Variants in TAOK1 observed in about 807,000 individuals in gnomAD.
TAOK1 encodes the protein TAO kinase 1, also known as serine/threonine-protein kinase TAO1.
Under a neutral mutation model 138.3 loss-of-function variants are expected in TAOK1, and 21 were observed. The observed-to-expected ratio is 0.15, with a 90% CI of 0.11 to 0.22. The LOEUF (loss-of-function observed/expected upper bound fraction) is 0.22, where lower values mean the gene tolerates loss of function less well. Among genes scored for constraint, TAOK1 ranks in the 10% least tolerant of loss-of-function variants. The probability of loss-of-function intolerance (pLI) is 1.00; values close to 1 mark genes in which losing one functional copy is unlikely to be tolerated. For synonymous variants in TAOK1, 361 were observed against 398.4 expected (o/e 0.91, Z 1.12); for missense variants, 651 against 1,227.7 (o/e 0.53, Z 7.02).
intron 11 of TAOK1, among the ~76,000 whole-genome samples, chr17:29,497,697 A>G (rs1191683846): frequency 6.7e-6 from 1 of 150,230 alleles, no homozygotes; most frequent in Non-Finnish European, 1.5e-5. Flanking sequence ...AGAGTTCCCC[A>G]AAAACCTATT....
intron 1 of TAOK1, among the ~76,000 whole-genome samples, chr17:29,423,975 G>A (rs1905547100): frequency 1.3e-5 from 2 of 151,578 alleles, no homozygotes; most frequent in Admixed American, 1.3e-4. Flanking sequence ...CTTGAACCCG[G>A]GAGGCGGAGG....
chr17:29,412,655 G>A (rs778749203), intron 1 of TAOK1, among the ~76,000 whole-genome samples: 1 of 152,180 alleles, frequency 6.6e-6, no homozygotes, highest in East Asian at 1.9e-4. Context: ...AGGACATACA[G>A]TACTAATTGT....
At chr17:29,453,177 T>TG (rs1480072301) in intron 2 of TAOK1, among the ~76,000 whole-genome samples, 6 of 149,986 alleles carry the variant, frequency 4.0e-5, no homozygotes, top group Non-Finnish European at 8.9e-5. Flanking sequence ...TTTTTTTTTT[T>TG]GAGATGGAGT....
At chr17:29,503,241 G>A (rs904642253) in intron 13 of TAOK1, among the ~76,000 whole-genome samples, 7 of 151,618 alleles carry the variant, frequency 4.6e-5, no homozygotes, top group Non-Finnish European at 7.4e-5. Flanking sequence ...CTAAAAATAC[G>A]AAAAATTAGC....
At chr17:29,501,190 G>T (rs1440916147) in intron 12 of TAOK1, among the ~76,000 whole-genome samples, 1 of 145,484 alleles carries the variant, frequency 6.9e-6, no homozygotes, top group East Asian at 2.0e-4. Context: ...TTCAAGACCA[G>T]CCTGGGCAAC....
At chr17:29,480,169 A>G (rs549680039) in intron 6 of TAOK1, 199 bp from the exon 7 acceptor site, 119 of 352,520 alleles carry the variant, frequency 3.4e-4, no homozygotes, top group African/African-American at 2.1e-3. Flanking sequence ...AATTATTACT[A>G]TATGTTTATT....
intron 1 of TAOK1, among the ~76,000 whole-genome samples, chr17:29,444,679 TTGA>T (rs1238463826): frequency 6.6e-6 from 1 of 152,240 alleles, no homozygotes; most frequent in Non-Finnish European, 1.5e-5. Context: ...AATCAGTTTG[TTGA>T]TATCTACAGA....
intron 1 of TAOK1, among the ~76,000 whole-genome samples, chr17:29,393,849 A>G (rs1270666523): frequency 2.6e-5 from 4 of 152,192 alleles, no homozygotes; most frequent in Non-Finnish European, 4.4e-5. Context: ...ACAAATTTAA[A>G]CTCTGAGAGG....
At chr17:29,505,216 G>A (rs564593916) in intron 13 of TAOK1, among the ~76,000 whole-genome samples, 3 of 152,110 alleles carry the variant, frequency 2.0e-5, no homozygotes, top group Admixed American at 6.5e-5. Context: ...TTAGTCTACC[G>A]TCTCCTGCCT....
chr17:29,462,372 G>T (rs1430823415), intron 2 of TAOK1, among the ~76,000 whole-genome samples: 1 of 152,120 alleles, frequency 6.6e-6, no homozygotes, highest in Non-Finnish European at 1.5e-5. Context: ...ACCTTAAATA[G>T]AACCAATGTG....
intron 8 of TAOK1, 115 bp downstream of exon 8, chr17:29,482,403 G>A (rs1435132316): frequency 2.5e-6 from 2 of 802,846 alleles, no homozygotes; most frequent in Admixed American, 2.7e-5. Flanking sequence ...TTATAAGGGG[G>A]GCAATACATT....
chr17:29,548,269 C>T lies in TAOK1; in HGVS notation c.*5247C>T, dbSNP rs916112998. On this transcript the variant is annotated 3_prime_UTR_variant, in exon 20 of 20. Transcript: ENST00000261716. ...GCCTGTTGTGGGTTTCTTAAACTTG[C>T]ACTTCCTACCCACCCAAAGATAGAT... 6.6e-6 allele frequency: 1 copy of T among 152,100 alleles called. No individual in the cohort carries two copies. The highest frequency in any genetic ancestry group is 2.4e-5 in the African/African-American group (1 of 41,426). 9.4% of individuals were successfully genotyped at this position (152,100 alleles called of 1,614,324 possible).
intron 8 of TAOK1, among the ~76,000 whole-genome samples, chr17:29,485,991 A>T (rs968272764): frequency 1.3e-5 from 2 of 152,218 alleles, no homozygotes; most frequent in Non-Finnish European, 2.9e-5. Flanking sequence ...CTAACTTAAA[A>T]TAAATTTGGT....
chr17:29,391,429 A>G (rs1053160253), intron 1 of TAOK1, among the ~76,000 whole-genome samples: 94 of 152,110 alleles, frequency 6.2e-4, no homozygotes, highest in African/African-American at 2.1e-3. Flanking sequence ...TGCTGGGTGG[A>G]TTCCACCCCC....
intron 1 of TAOK1, among the ~76,000 whole-genome samples, chr17:29,428,793 T>G (rs1905730300): frequency 8.4e-5 from 2 of 23,814 alleles, no homozygotes; most frequent in South Asian, 3.1e-3. Context: ...CTGACTAAAT[T>G]TTTTTTTTTT....
chr17:29,536,728 C>T (rs2032229911), intron 19 of TAOK1, among the ~76,000 whole-genome samples: 1 of 137,262 alleles, frequency 7.3e-6, no homozygotes, highest in African/African-American at 2.7e-5. Context: ...GAGACGGAGT[C>T]TGGCTGTGTG....
intron 3 of TAOK1, among the ~76,000 whole-genome samples, chr17:29,473,465 G>A (rs1426952691): frequency 6.6e-6 from 1 of 151,892 alleles, no homozygotes; most frequent in Non-Finnish European, 1.5e-5. Context: ...GTGAAACCCC[G>A]TCTCTGCTGA....
intron 1 of TAOK1, among the ~76,000 whole-genome samples, chr17:29,447,681 G>A (rs2153023915): frequency 6.7e-6 from 1 of 149,492 alleles, no homozygotes; most frequent in Admixed American, 6.7e-5. Context: ...TTTTGAGACA[G>A]AGTGTCGCTA....
intron 1 of TAOK1, 92 bp from the exon 2 acceptor site, chr17:29,451,363 T>G: frequency 2.0e-6 from 1 of 495,306 alleles, no homozygotes; most frequent in South Asian, 5.0e-5. Context: ...ATTCTAGACA[T>G]GAGATAAATT....
Sources: gnomAD v4.1 joint callset for allele counts (sites outside exome capture counted in the v4.1 genomes callset) on GRCh38, gnomAD v4.1.1 for gene constraint, MANE v1.5 for transcripts, NCBI Gene and HGNC (gene_info 2026-07-23, HGNC 2026-07-21) for gene names.